PTPRA: variants seen among roughly 807,000 people sequenced by gnomAD.
PTPRA encodes receptor-type tyrosine-protein phosphatase alpha.
Under a neutral mutation model 104.8 loss-of-function variants are expected in PTPRA, and 25 were observed. That is an observed-to-expected ratio of 0.24 (90% CI 0.17 to 0.33). PTPRA has a LOEUF of 0.33. PTPRA is among the 10% of genes least tolerant of loss of function. The probability of loss-of-function intolerance (pLI) is 1.00; values close to 1 mark genes in which losing one functional copy is unlikely to be tolerated. For missense variants in PTPRA, 765 were observed against 1,015.3 expected (o/e 0.75, Z 3.35); for synonymous variants, 323 against 368.9 (o/e 0.88, Z 1.43).
At chr20:3,003,392 A>G (rs554566482) in intron 9 of PTPRA, among the ~76,000 whole-genome samples, 7 of 152,358 alleles carry the variant, frequency 4.6e-5, no homozygotes, top group African/African-American at 1.7e-4. Flanking sequence ...ATTAGGACAT[A>G]AAGATTTTTA....
At chr20:2,930,974 A>G (rs1401758645) in intron 2 of PTPRA, among the ~76,000 whole-genome samples, 1 of 152,174 alleles carries the variant, frequency 6.6e-6, no homozygotes, top group African/African-American at 2.4e-5. Context: ...AGCAGGATGA[A>G]TCTAACACTT....
chr20:2,885,243 G>T (rs1568638869), intron 1 of PTPRA, among the ~76,000 whole-genome samples: 1 of 152,136 alleles, frequency 6.6e-6, no homozygotes, highest in South Asian at 2.1e-4. Context: ...CCTAGTAGGT[G>T]TAAAGTGGTA....
intron 11 of PTPRA, among the ~76,000 whole-genome samples, chr20:3,014,161 G>C (rs2064319988): frequency 6.6e-6 from 1 of 152,178 alleles, no homozygotes; most frequent in Non-Finnish European, 1.5e-5. Context: ...CAGAATTAAG[G>C]CTATTTCCAT....
chr20:2,938,086 A>G (rs577363443), intron 2 of PTPRA, among the ~76,000 whole-genome samples: 19 of 152,340 alleles, frequency 1.2e-4, no homozygotes, highest in African/African-American at 4.6e-4. Context: ...TGAGAGGCCA[A>G]GGTAAGAGGA....
intron 1 of PTPRA, among the ~76,000 whole-genome samples, chr20:2,910,287 T>C (rs1442247496): frequency 7.6e-6 from 1 of 131,518 alleles, no homozygotes; most frequent in Non-Finnish European, 1.5e-5. Context: ...GCATTATATA[T>C]AATATGTATT....
intron 9 of PTPRA, among the ~76,000 whole-genome samples, chr20:3,002,236 A>G (rs572567144): frequency 1.3e-5 from 2 of 151,654 alleles, no homozygotes; most frequent in South Asian, 4.2e-4. Context: ...TTAAATTATT[A>G]TCAAAGACAG....
chr20:2,995,823 A>G (rs1239928737), intron 9 of PTPRA, among the ~76,000 whole-genome samples: 1 of 152,082 alleles, frequency 6.6e-6, no homozygotes, highest in African/African-American at 2.4e-5. Flanking sequence ...TTTGTTCTCT[A>G]ATATTGTCAG....
At position 2,964,762 on chromosome 20, in the gene PTPRA, A is replaced by G. The variant is rs528973609; in HGVS notation, c.74-99A>G. 1.2e-5 allele frequency: 13 copies of G among 1,085,186 alleles called. No individual in the cohort carries two copies. In the East Asian group the frequency reaches 2.2e-4, roughly 19 times the overall value. 67.2% of individuals were successfully genotyped at this position (1,085,186 alleles called of 1,614,324 possible). On this transcript the variant is annotated intron_variant, in intron 4 of 23. Transcript: ENST00000399903. ...GGGGATTGGTCTTTGCTTGGTCTCC[A>G]TATGTTTGAGAGTTTATTAAGGCTT... is the stretch of plus-strand genomic sequence containing the variant.
chr20:2,890,148 C>T (rs1418154039), intron 1 of PTPRA, among the ~76,000 whole-genome samples: 2 of 151,746 alleles, frequency 1.3e-5, no homozygotes, highest in Non-Finnish European at 2.9e-5. Flanking sequence ...CCTCCCGCCT[C>T]AGCCTGCCCA....
At chr20:2,897,784 C>T (rs2059067631) in intron 1 of PTPRA, among the ~76,000 whole-genome samples, 1 of 152,052 alleles carries the variant, frequency 6.6e-6, no homozygotes, top group Admixed American at 6.6e-5. Context: ...ATGAGCACAG[C>T]CTCATTGATT....
chr20:2,870,106 C>A (rs1293555728), upstream of PTPRA, among the ~76,000 whole-genome samples: 1 of 151,426 alleles, frequency 6.6e-6, no homozygotes, highest in Non-Finnish European at 1.5e-5. Flanking sequence ...CAGTGGTTCA[C>A]CCCTGTAATC....
chr20:2,864,797 G>C, the PTPRA span: 1 of 1,163,044 alleles, frequency 8.6e-7, no homozygotes, highest in Non-Finnish European at 1.2e-6. This position sits in a 1 kb window ranked among gnomAD's most constrained non-coding sequence, Gnocchi z 5.2. Context: ...CGTGAGGCCA[G>C]GATGGGGGTT....
intron 3 of PTPRA, among the ~76,000 whole-genome samples, chr20:2,961,823 C>T (rs1332598042): frequency 1.3e-5 from 2 of 152,142 alleles, no homozygotes; most frequent in Non-Finnish European, 2.9e-5. Context: ...ATTAATTTTT[C>T]TATATGTAGC....
Position 3,037,195 on chromosome 20 carries a change from C to T in PTPRA, c.2240C>T (p.Thr747Ile). The T allele has an allele frequency of 6.2e-7, 1 of 1,614,168 alleles. No homozygotes were observed. The highest frequency in any genetic ancestry group is 8.5e-7 in the Non-Finnish European group (1 of 1,180,012). Residue 747 changes from threonine (T) to isoleucine (I), a missense_variant, in exon 23 of 24, where the codon ACC becomes ATC. By Grantham distance (89) the Thr-to-Ile change is moderately conservative. Around this residue, in one of 4 missense-constraint regions of PTPRA, gnomAD observed 72 missense variants for 140.7 expected, o/e 0.51. Coordinates refer to ENST00000399903, the MANE Select transcript of PTPRA (RefSeq NM_001385305.1). This position sits in a 1 kb window ranked among gnomAD's most constrained non-coding sequence, Gnocchi z 4.3. ...ACGGGGACCTTCTGTGCCCTGAGCA[C>T]CGTCCTGGAGCGTGTGAAAGCAGAG... ...GRTGTFCALS[T>I]VLERVKAEGI...
intron 5 of PTPRA, among the ~76,000 whole-genome samples, chr20:2,967,758 G>A (rs1484009051): frequency 6.6e-6 from 1 of 152,160 alleles, no homozygotes; most frequent in Non-Finnish European, 1.5e-5. Flanking sequence ...CTACTCAGGA[G>A]CCTGAGGTGG....
intron 9 of PTPRA, among the ~76,000 whole-genome samples, chr20:2,995,816 G>T (rs1249530007): frequency 1.3e-5 from 2 of 152,086 alleles, no homozygotes; most frequent in Non-Finnish European, 2.9e-5. Context: ...TTCTTGTTTT[G>T]TTCTCTAATA....
intron 1 of PTPRA, among the ~76,000 whole-genome samples, chr20:2,895,860 T>C (rs111262246): frequency 3.7e-4 from 56 of 152,306 alleles, no homozygotes; most frequent in African/African-American, 1.1e-3. Context: ...CAGCACAACT[T>C]GATCATGATG....
At chr20:2,952,061 G>A (rs141089728) in intron 3 of PTPRA, among the ~76,000 whole-genome samples, 115 of 151,920 alleles carry the variant, frequency 7.6e-4, no homozygotes, top group African/African-American at 2.7e-3. Context: ...CAGAGGTTGC[G>A]GTGAGCCAAG....
At chr20:2,952,493 A>T (rs963129499) in intron 3 of PTPRA, among the ~76,000 whole-genome samples, 5 of 151,894 alleles carry the variant, frequency 3.3e-5, no homozygotes, top group African/African-American at 1.2e-4. Flanking sequence ...TTTTTGCAAA[A>T]TTTTTTCCCA....
Sources: allele counts gnomAD v4.1 joint callset (sites outside exome capture counted in the v4.1 genomes callset), GRCh38; gene constraint gnomAD v4.1.1; regional missense constraint gnomAD v4.1.1; non-coding constraint Gnocchi (gnomAD v3.1); transcripts MANE v1.5; gene names NCBI Gene and HGNC (gene_info 2026-07-23, HGNC 2026-07-21).